SCN9A: variants seen among roughly 807,000 people sequenced by gnomAD.
The protein encoded by SCN9A is sodium voltage-gated channel alpha subunit 9, also known as sodium channel protein type 9 subunit alpha.
A neutral mutation model predicts 187.0 loss-of-function variants in SCN9A; 131 were observed. That is an observed-to-expected ratio of 0.70 (90% CI 0.61 to 0.81). The LOEUF (loss-of-function observed/expected upper bound fraction) is 0.81. Ranked by LOEUF, SCN9A falls within the 30% of genes least tolerant of loss-of-function variation. The pLI is 0.00. For missense variants in SCN9A, 2,252 were observed against 2,396.6 expected, an observed-to-expected ratio of 0.94 and a Z score of 1.26; for synonymous variants, 809 against 808.6, an observed-to-expected ratio of 1.00 and a Z score of -0.01.
chr2:166,240,204 G>A lies in SCN9A; in HGVS notation c.3628-1937C>T, dbSNP rs138720577. Among the ~76,000 whole-genome samples the A allele has an allele frequency of 8.9e-3, 1,358 of 152,236 alleles. 17 individuals carry two copies. The highest frequency in any genetic ancestry group is 0.031 in the African/African-American group (1,283 of 41,554). On this transcript the variant is annotated intron_variant, in intron 19 of 26. Transcript: ENST00000642356. Reference sequence around the variant, plus strand: ...TCACAGGGTTGTTTGAAAATTAAATGAGAAAATCTAAAAGAAGATTCTGAA... The same window carrying A: ...TCACAGGGTTGTTTGAAAATTAAATAAGAAAATCTAAAAGAAGATTCTGAA...
chr2:166,372,775 A>C (rs1700595065), intron 1 of SCN9A, among the ~76,000 whole-genome samples: 1 of 152,154 alleles, frequency 6.6e-6, no homozygotes, highest in East Asian at 1.9e-4. Flanking sequence ...TTCTGGAAGA[A>C]TCCATATTTT....
At chr2:166,222,930 C>CAAAAAAAAAAAAAACAAAAAAAAAA (rs1369885268) in intron 24 of SCN9A, among the ~76,000 whole-genome samples, 1 of 19,538 alleles carries the variant, frequency 5.1e-5, no homozygotes, top group African/African-American at 2.7e-4. Context: ...AACTCCGTCT[C>CAAAAAAAAAAAAAACAAAAAAAAAA]AAAAAAAAAA....
chr2:166,312,990 A>G (rs1201733956), intron 1 of SCN9A, among the ~76,000 whole-genome samples: 1 of 86,114 alleles, frequency 1.2e-5, no homozygotes, highest in African/African-American at 4.0e-5. Flanking sequence ...TAATATAATT[A>G]TTATTTAATT....
At chr2:166,312,395 C>A (rs190079309) in intron 1 of SCN9A, among the ~76,000 whole-genome samples, 28 of 152,302 alleles carry the variant, frequency 1.8e-4, no homozygotes, top group African/African-American at 5.3e-4. Context: ...AATTCTAATT[C>A]TCTTGCTATT....
Position 166,199,620 on chromosome 2 carries a change from A to T in SCN9A, c.5019T>A (p.Asp1673Glu). 6.2e-7 allele frequency: 1 copy of T among 1,614,154 alleles called. No homozygotes were observed. The highest frequency in any genetic ancestry group is 1.1e-5 in the South Asian group (1 of 91,082). ...MSNFAYVKKE[D>E]GINDMFNFET... ...CAAAATTGAACATGTCATTAATTCC[A>T]TCTTCCTTTTTAACATAGGCAAAGT... Residue 1673 changes from aspartate (D) to glutamate (E), a missense_variant, in exon 27 of 27, where the codon GAT (aspartate) becomes GAA (glutamate). Coordinates refer to ENST00000642356, the MANE Select transcript of SCN9A (RefSeq NM_001365536.1).
chr2:166,289,883 T>C (rs902885540), intron 9 of SCN9A, among the ~76,000 whole-genome samples: 3 of 152,200 alleles, frequency 2.0e-5, no homozygotes, highest in Non-Finnish European at 2.9e-5. Context: ...ATTGCATTTC[T>C]CTAATGGCCA....
intron 17 of SCN9A, among the ~76,000 whole-genome samples, chr2:166,262,532 A>C (rs1696552882): frequency 6.6e-6 from 1 of 151,948 alleles, no homozygotes; most frequent in African/African-American, 2.4e-5. Flanking sequence ...GCAAATGTAC[A>C]ATACCATTAC....
At chr2:166,267,942 ATATG>A (rs1696811807) in intron 17 of SCN9A, among the ~76,000 whole-genome samples, 1 of 151,986 alleles carries the variant, frequency 6.6e-6, no homozygotes, top group Non-Finnish European at 1.5e-5. Context: ...AATTCAAAGG[ATATG>A]ATCCAGAACA....
At chr2:166,375,094 T>C (rs1700656807) in intron 1 of SCN9A, among the ~76,000 whole-genome samples, 1 of 152,196 alleles carries the variant, frequency 6.6e-6, no homozygotes, top group Non-Finnish European at 1.5e-5. Flanking sequence ...TTAAAAGGAT[T>C]CTGCATCTTT....
intron 1 of SCN9A, among the ~76,000 whole-genome samples, chr2:166,348,657 T>G (rs971049682): frequency 6.6e-6 from 1 of 152,118 alleles, no homozygotes; most frequent in Non-Finnish European, 1.5e-5. Context: ...GCTTATGGGA[T>G]TAACCCACAA....
intron 1 of SCN9A, among the ~76,000 whole-genome samples, chr2:166,345,827 C>T (rs1414006853): frequency 5.9e-5 from 9 of 152,086 alleles, no homozygotes; most frequent in Non-Finnish European, 1.2e-4. Context: ...TTATTTTCAT[C>T]CCAAGAGAAT....
Position 166,280,550 on chromosome 2 carries a change from A to G in SCN9A, c.2150T>C (p.Phe717Ser), listed in dbSNP as rs776026470. 5.0e-6 allele frequency: 8 copies of G among 1,590,920 alleles called. No individual in the cohort carries two copies. The highest frequency in any genetic ancestry group is 1.7e-5 in the Admixed American group (1 of 57,238). The stretch of plus-strand genomic sequence containing the variant: ...ATTCCAGATCAAGAATTTGTGTGCA[A>G]ATCTGTACCACCAAGGTGGACATTT... ...RQKCPPWWYR[F>S]AHKFLIWNCS... The change falls in exon 14 of 27, where the codon TTT becomes TCT. Residue 717 changes from phenylalanine (F) to serine (S), a missense_variant. By Grantham distance (155) the Phe-to-Ser change is radical (BLOSUM62 -2). This residue lies in a region of SCN9A where 1,013 missense variants were observed against 997.4 expected (regional missense o/e 1.02). Transcript: ENST00000642356.
chr2:166,206,390 CAT>C (rs1370467455), intron 24 of SCN9A, among the ~76,000 whole-genome samples: 7 of 152,150 alleles, frequency 4.6e-5, no homozygotes, highest in Non-Finnish European at 1.0e-4. Flanking sequence ...TGGAAACCAT[CAT>C]TCTCAGCAAA....
At chr2:166,351,654 A>G (rs1184863251) in intron 1 of SCN9A, among the ~76,000 whole-genome samples, 1 of 152,160 alleles carries the variant, frequency 6.6e-6, no homozygotes, top group Non-Finnish European at 1.5e-5. Context: ...GCTATGGACA[A>G]GAGAATACAG....
chr2:166,374,411 C>T (rs1255362699), intron 1 of SCN9A, among the ~76,000 whole-genome samples: 1 of 152,126 alleles, frequency 6.6e-6, no homozygotes, highest in East Asian at 1.9e-4. Flanking sequence ...TGTTGATAAG[C>T]TAGTCTAACA....
intron 1 of SCN9A, among the ~76,000 whole-genome samples, chr2:166,356,480 A>G (rs1208317729): frequency 6.6e-6 from 1 of 152,142 alleles, no homozygotes; most frequent in African/African-American, 2.4e-5. Context: ...TTGCAGGTTT[A>G]TGACTCCCAT....
intron 1 of SCN9A, among the ~76,000 whole-genome samples, chr2:166,320,731 A>G (rs1215346676): frequency 6.6e-6 from 1 of 152,196 alleles, no homozygotes; most frequent in African/African-American, 2.4e-5. Flanking sequence ...CACAAAATTA[A>G]TGTTTTATTA....
chr2:166,289,231 T>G (rs1697927906), intron 9 of SCN9A, among the ~76,000 whole-genome samples: 1 of 151,740 alleles, frequency 6.6e-6, no homozygotes, highest in African/African-American at 2.4e-5. Context: ...TTTTTTGGCA[T>G]AACGTGCAGG....
intron 1 of SCN9A, among the ~76,000 whole-genome samples, chr2:166,319,542 G>A (rs1699188317): frequency 6.6e-6 from 1 of 152,040 alleles, no homozygotes; most frequent in Non-Finnish European, 1.5e-5. Context: ...TGAGTTTGAT[G>A]TGTTCTTCAA....
Sources: allele counts gnomAD v4.1 joint callset (sites outside exome capture counted in the v4.1 genomes callset), GRCh38; gene constraint gnomAD v4.1.1; regional missense constraint gnomAD v4.1.1; transcripts MANE v1.5; gene names NCBI Gene and HGNC (gene_info 2026-07-23, HGNC 2026-07-21).